KDM7A: variants seen among roughly 807,000 people sequenced by gnomAD.
The protein encoded by KDM7A is lysine-specific demethylase 7A.
A neutral mutation model predicts 114.8 loss-of-function variants in KDM7A; 28 were observed. That is an observed-to-expected ratio of 0.24 (90% CI 0.18 to 0.33). The LOEUF (loss-of-function observed/expected upper bound fraction) is 0.33. Among genes scored for constraint, KDM7A ranks in the 10% least tolerant of loss-of-function variants. The pLI is 1.00. For missense variants in KDM7A, 942 were observed against 1,142.5 expected, an observed-to-expected ratio of 0.82 and a Z score of 2.53; for synonymous variants, 423 against 397.8, an observed-to-expected ratio of 1.06 and a Z score of -0.75.
In KDM7A at chr7:140,133,970, C is replaced by T. The variant is rs1818831092; in HGVS notation, c.281-314G>A. On this transcript the variant is annotated intron_variant, in intron 2 of 19. Transcript: ENST00000397560. The stretch of plus-strand genomic sequence containing the variant: ...TACTATACAATTTCCAAATTATATA[C>T]AATTATGATTTTCATCAGAACATTA... Among the ~76,000 whole-genome samples, 3 of 152,166 alleles carry T rather than the reference C, an allele frequency of 2.0e-5. No individual in the cohort carries two copies. In the South Asian group the frequency reaches 6.2e-4, roughly 31 times the overall value.
rs770753596 is a variant in KDM7A at position 140,099,040 on chromosome 7, T to C, written c.1764-7A>G. ...AAAGGGCTGCCTTTCATCTCTGTAT[T>C]AAGAAGGAAAAGTAATCAGAATATA... On this transcript the variant is annotated splice_region_variant and splice_polypyrimidine_tract_variant and intron_variant, in intron 13 of 19. Transcript: ENST00000397560. 1 of 1,601,140 alleles carries C rather than the reference T, an allele frequency of 6.2e-7. No individual in the cohort carries two copies. Among genetic ancestry groups the C allele is most frequent in the Non-Finnish European group, 8.5e-7 (1 of 1,173,754 alleles).
intron 1 of KDM7A, among the ~76,000 whole-genome samples, chr7:140,141,758 T>C (rs542294310): frequency 4.0e-5 from 6 of 151,436 alleles, no homozygotes; most frequent in Non-Finnish European, 1.5e-5. Flanking sequence ...GCCAGGCATG[T>C]TGGCGCATAT....
chr7:140,170,120 G>A (rs926489432), intron 1 of KDM7A, among the ~76,000 whole-genome samples: 3 of 152,132 alleles, frequency 2.0e-5, no homozygotes. Flanking sequence ...AAACAAATTT[G>A]TAAAATATTT....
chr7:140,130,244 A>T (rs1818763884), intron 3 of KDM7A, among the ~76,000 whole-genome samples: 1 of 152,176 alleles, frequency 6.6e-6, no homozygotes. Context: ...GTTAGATTTA[A>T]GTTAAGTAGA....
intron 7 of KDM7A, among the ~76,000 whole-genome samples, chr7:140,123,659 A>C: frequency 6.6e-6 from 1 of 152,154 alleles, no homozygotes; most frequent in East Asian, 1.9e-4. Flanking sequence ...AAAAGCTTTC[A>C]ATTTTGGAGC....
At chr7:140,119,778 C>T (rs1054334263) in intron 8 of KDM7A, among the ~76,000 whole-genome samples, 1 of 152,200 alleles carries the variant, frequency 6.6e-6, no homozygotes, top group Admixed American at 6.5e-5. Flanking sequence ...AATAACGCCA[C>T]ACACAGATGC....
Position 140,102,032 on chromosome 7 carries a change from G to A in KDM7A, c.1557C>T (p.Val519=), listed in dbSNP as rs1818237486. 6.2e-7 allele frequency: 1 copy of A among 1,613,880 alleles called. No homozygotes were observed. The highest frequency in any genetic ancestry group is 1.3e-5 in the African/African-American group (1 of 74,908). The change falls in exon 12 of 20, where the codon GTC becomes GTT. Residue 519 remains valine (V), a synonymous_variant. Coordinates refer to ENST00000397560, the MANE Select transcript of KDM7A (RefSeq NM_030647.2). ...RKMRKLRDHN[V]RTPSNLDILE... The stretch of plus-strand genomic sequence containing the variant: ...GGATGTCTAGGTTAGAAGGAGTTCG[G>A]ACATTATGATCTCGAAGTTTCCTCA...
chr7:140,137,378 T>C (rs1818888843), intron 2 of KDM7A, among the ~76,000 whole-genome samples: 1 of 152,244 alleles, frequency 6.6e-6, no homozygotes, highest in Non-Finnish European at 1.5e-5. Flanking sequence ...TCATAGTAAC[T>C]TACTTAGTAT....
At chr7:140,117,859 G>T (rs1316579860) in intron 9 of KDM7A, among the ~76,000 whole-genome samples, 1 of 152,182 alleles carries the variant, frequency 6.6e-6, no homozygotes, top group African/African-American at 2.4e-5. Context: ...GACTGGTCTT[G>T]TAAAGAAAGG....
chr7:140,101,871 A>G, intron 12 of KDM7A, 80 bp downstream of exon 12: 2 of 912,298 alleles, frequency 2.2e-6, no homozygotes, highest in East Asian at 4.8e-5. Flanking sequence ...ACAATAGTCA[A>G]GACTATTCTC....
chr7:140,141,336 G>GAAAACA (rs920189593), intron 1 of KDM7A, among the ~76,000 whole-genome samples: 1 of 151,700 alleles, frequency 6.6e-6, no homozygotes, highest in Non-Finnish European at 1.5e-5. Flanking sequence ...AGCATTCACA[G>GAAAACA]AAAACAAAAA....
intron 1 of KDM7A, among the ~76,000 whole-genome samples, chr7:140,156,392 T>C (rs1794458215): frequency 6.6e-6 from 1 of 152,194 alleles, no homozygotes; most frequent in Non-Finnish European, 1.5e-5. Context: ...TATTTTCAAA[T>C]CCCCTATCTC....
At chr7:140,133,763 T>A in intron 2 of KDM7A, 107 bp from the exon 3 acceptor site, 1 of 584,122 alleles carries the variant, frequency 1.7e-6, no homozygotes, top group Non-Finnish European at 2.9e-6. Flanking sequence ...GTAAGTACAT[T>A]AAAAACACTC....
chr7:140,100,049 T>C lies in KDM7A; in HGVS notation c.1639-26A>G, dbSNP rs1051369496. 3.1e-6 allele frequency: 5 copies of C among 1,613,318 alleles called. No homozygotes were observed. In the African/African-American group the frequency reaches 6.7e-5, roughly 22 times the overall value. ...CTGAAGGTATAAATGCAGAACTTAC[T>C]TACCATCCACCCTCAGGTAGCCCTG... is the stretch of plus-strand genomic sequence containing the variant. On this transcript the variant is annotated intron_variant, in intron 12 of 19. Transcript: ENST00000397560.
At chr7:140,168,690 A>C (rs532134372) in intron 1 of KDM7A, among the ~76,000 whole-genome samples, 1 of 152,244 alleles carries the variant, frequency 6.6e-6, no homozygotes, top group Non-Finnish European at 1.5e-5. Flanking sequence ...GTAACTTTGG[A>C]AAACAATATT....
chr7:140,106,140 C>A (rs940193602), intron 11 of KDM7A, among the ~76,000 whole-genome samples: 3 of 152,126 alleles, frequency 2.0e-5, no homozygotes, highest in Admixed American at 6.5e-5. Flanking sequence ...GTGATATCCC[C>A]TTTATCATTT....
At position 140,114,864 on chromosome 7, in the gene KDM7A, C is replaced by G. The variant is rs547474774; in HGVS notation, c.1247-1282G>C. 7.1e-5 allele frequency among the ~76,000 whole-genome samples: 8 copies of G among 111,904 alleles called. No individual in the cohort carries two copies. The South Asian group carries it at 2.1e-3, about 30-fold the overall frequency. The allele number at this position is 111,904 out of a possible 152,430, so 73.4% of individuals were successfully genotyped here. A position where few individuals can be genotyped will look rare whatever the true frequency, so the allele number is the denominator to read the frequency against. On this transcript the variant is annotated intron_variant, in intron 9 of 19. Coordinates refer to ENST00000397560, the MANE Select transcript of KDM7A (RefSeq NM_030647.2). ...GAGCCCCTCCGCCCGGCAGCCGCCC[C>G]GTCTGAGAAGTGAGGAGCCCCTCCG...
intron 1 of KDM7A, among the ~76,000 whole-genome samples, chr7:140,146,126 TCAACA>T (rs560078060): frequency 4.8e-4 from 73 of 152,276 alleles, no homozygotes; most frequent in African/African-American, 1.1e-3. Flanking sequence ...ATTTTGAAAT[TCAACA>T]CAACACAACA....
At chr7:140,114,000 G>T (rs1265322912) in intron 9 of KDM7A, among the ~76,000 whole-genome samples, 2 of 151,978 alleles carry the variant, frequency 1.3e-5, no homozygotes, top group Admixed American at 6.6e-5. Flanking sequence ...ATATAGAAAG[G>T]TTTCAAATAA....
Sources: gnomAD v4.1 joint callset for allele counts (sites outside exome capture counted in the v4.1 genomes callset) on GRCh38, gnomAD v4.1.1 for gene constraint, MANE v1.5 for transcripts, NCBI Gene and HGNC (gene_info 2026-07-23, HGNC 2026-07-21) for gene names.